CDIN1: variants seen among roughly 807,000 people sequenced by gnomAD.
CDIN1 encodes the protein CDAN1-interacting nuclease 1.
A neutral mutation model predicts 45.3 loss-of-function variants in CDIN1; 33 were observed. The observed-to-expected ratio is 0.73, with a 90% CI of 0.55 to 0.97. CDIN1 has a LOEUF of 0.97. Among genes scored for constraint, CDIN1 ranks in the 50% least tolerant of loss-of-function variants. The pLI, the probability that CDIN1 is intolerant of heterozygous loss-of-function variation, is 0.00. For synonymous variants in CDIN1, 118 were observed against 124.4 expected (o/e 0.95, Z 0.34); for missense variants, 303 against 339.4 (o/e 0.89, Z 0.84).
chr15:36,792,287 CTT>C (rs1480679864), intron 10 of CDIN1, among the ~76,000 whole-genome samples: 6 of 152,022 alleles, frequency 3.9e-5, no homozygotes, highest in African/African-American at 7.2e-5. Context: ...GTAGCTCTCT[CTT>C]GTCTTGTTTT....
In CDIN1 at chr15:36,809,542, C is replaced by A. The variant is rs1432649735; in HGVS notation, c.*1089C>A. The A allele has an allele frequency of 6.6e-6, 1 of 152,106 alleles. No homozygotes were observed. The highest frequency in any genetic ancestry group is 1.5e-5 in the Non-Finnish European group (1 of 68,026). 9.4% of individuals were successfully genotyped at this position (152,106 alleles called of 1,614,324 possible). ...CTTTTATGTACTGCAAATCAGATTT[C>A]AGTCTAAAGCGAAACATCAGTAAGT... is the stretch of plus-strand genomic sequence containing the variant. On this transcript the variant is annotated 3_prime_UTR_variant, in exon 11 of 11. Coordinates refer to ENST00000566621, the MANE Select transcript of CDIN1 (RefSeq NM_001321759.2).
chr15:36,669,903 T>G (rs2041384074), intron 5 of CDIN1, among the ~76,000 whole-genome samples: 1 of 152,060 alleles, frequency 6.6e-6, no homozygotes, highest in South Asian at 2.1e-4. Context: ...GTTGGTTAGG[T>G]TAGTGTTTGC....
At chr15:36,692,230 A>G (rs1431872744) in intron 7 of CDIN1, 55 bp downstream of exon 7, 12 of 1,497,088 alleles carry the variant, frequency 8.0e-6, no homozygotes, top group East Asian at 2.3e-5. Context: ...GACTCAGTGG[A>G]GATGTGTCTA....
intron 1 of CDIN1, among the ~76,000 whole-genome samples, chr15:36,595,771 G>T (rs1387299210): frequency 1.3e-5 from 2 of 152,204 alleles, no homozygotes; most frequent in African/African-American, 2.4e-5. Context: ...TGGGCTATGT[G>T]TGCAGAGGCC....
At chr15:36,593,138 ATTATTGGAACCATTAC>A (rs889162690) in intron 1 of CDIN1, among the ~76,000 whole-genome samples, 1 of 152,184 alleles carries the variant, frequency 6.6e-6, no homozygotes, top group African/African-American at 2.4e-5. Flanking sequence ...CTGCGGTTAT[ATTATTGGAACCATTAC>A]TTAATCATGG....
At chr15:36,589,467 A>G (rs898666079) in intron 1 of CDIN1, among the ~76,000 whole-genome samples, 1 of 152,026 alleles carries the variant, frequency 6.6e-6, no homozygotes, top group Non-Finnish European at 1.5e-5. Context: ...TTAAGCTGCT[A>G]GGGTGAAACT....
intron 10 of CDIN1, among the ~76,000 whole-genome samples, chr15:36,765,778 A>G (rs2053907080): frequency 6.6e-6 from 1 of 152,142 alleles, no homozygotes; most frequent in South Asian, 2.1e-4. Context: ...CAATTTGGTG[A>G]GTTTGGACAT....
At position 36,689,921 on chromosome 15, in the gene CDIN1, C is replaced by A. The variant is rs565373741; in HGVS notation, c.347-1764C>A. On this transcript the variant is annotated intron_variant, in intron 5 of 10. Transcript: ENST00000566621. The stretch of plus-strand genomic sequence containing the variant: ...GAGACCACACAAGAACACTTTATTT[C>A]GGTAGTCAGCTTAAATAATATTTTC... 4.9e-4 allele frequency among the ~76,000 whole-genome samples: 74 copies of A among 152,266 alleles called. No individual in the cohort carries two copies. The South Asian group carries it at 5.0e-3, about 10-fold the overall frequency.
chr15:36,589,789 C>T (rs2037488365), intron 1 of CDIN1, among the ~76,000 whole-genome samples: 1 of 152,200 alleles, frequency 6.6e-6, no homozygotes, highest in South Asian at 2.1e-4. Context: ...CAGGCGTGAG[C>T]CACCGCTCCC....
At chr15:36,705,896 A>G (rs2042845946) in intron 8 of CDIN1, 1 of 152,170 alleles carries the variant, frequency 6.6e-6, no homozygotes, top group Admixed American at 6.6e-5. Flanking sequence ...AGTCATACTA[A>G]AAGTACTATT....
intron 10 of CDIN1, among the ~76,000 whole-genome samples, chr15:36,783,133 C>G (rs1211587788): frequency 2.0e-5 from 3 of 152,140 alleles, no homozygotes; most frequent in African/African-American, 7.2e-5. Context: ...ATTTTTAAGA[C>G]TCTGTAAAGC....
intron 1 of CDIN1, among the ~76,000 whole-genome samples, chr15:36,585,907 C>T (rs2037273864): frequency 6.6e-6 from 1 of 152,032 alleles, no homozygotes; most frequent in Non-Finnish European, 1.5e-5. Flanking sequence ...GGAAATATAA[C>T]CATAACTTGC....
At chr15:36,765,261 G>C (rs1365965626) in intron 10 of CDIN1, among the ~76,000 whole-genome samples, 3 of 151,850 alleles carry the variant, frequency 2.0e-5, no homozygotes, top group African/African-American at 7.2e-5. Flanking sequence ...TCACCATGTT[G>C]GTCAGGCTGG....
At chr15:36,666,375 C>G (rs2041249696) in intron 5 of CDIN1, among the ~76,000 whole-genome samples, 1 of 152,126 alleles carries the variant, frequency 6.6e-6, no homozygotes, top group Non-Finnish European at 1.5e-5. Context: ...AGCCGCTAAA[C>G]CTAGTCTCTT....
At chr15:36,724,328 G>A (rs778852543) in intron 10 of CDIN1, among the ~76,000 whole-genome samples, 5 of 152,202 alleles carry the variant, frequency 3.3e-5, no homozygotes, top group Non-Finnish European at 5.9e-5. Context: ...GTATAGACTT[G>A]TAGAGATTAT....
chr15:36,773,124 T>C (rs962447440), intron 10 of CDIN1, among the ~76,000 whole-genome samples: 4 of 152,070 alleles, frequency 2.6e-5, no homozygotes, highest in African/African-American at 9.7e-5. Context: ...TGGTGTTCAG[T>C]TTTTCTTACC....
chr15:36,721,958 A>G (rs2043435866), intron 10 of CDIN1, among the ~76,000 whole-genome samples: 1 of 152,104 alleles, frequency 6.6e-6, no homozygotes, highest in Admixed American at 6.6e-5. Context: ...AACTCTGTTA[A>G]GCTGGGCCAA....
chr15:36,664,251 T>C (rs1330728846), intron 5 of CDIN1, among the ~76,000 whole-genome samples: 1 of 152,228 alleles, frequency 6.6e-6, no homozygotes, highest in African/African-American at 2.4e-5. Context: ...AATGTGGAAG[T>C]GTGGGCTTCT....
intron 5 of CDIN1, among the ~76,000 whole-genome samples, chr15:36,690,398 A>G (rs2042203792): frequency 6.6e-6 from 1 of 151,298 alleles, no homozygotes; most frequent in South Asian, 2.1e-4. Flanking sequence ...CCTCCCGAGT[A>G]GCTGGGACTA....
Sources: allele counts gnomAD v4.1 joint callset (sites outside exome capture counted in the v4.1 genomes callset), GRCh38; gene constraint gnomAD v4.1.1; transcripts MANE v1.5; gene names NCBI Gene and HGNC (gene_info 2026-07-23, HGNC 2026-07-21).